RBFOX1: variants seen among roughly 807,000 people sequenced by gnomAD.
The protein encoded by RBFOX1 is RNA binding fox-1 homolog 1, also known as RNA binding protein fox-1 homolog 1.
In RBFOX1, 8 loss-of-function variants were observed where a neutral mutation model predicts 57.7. The observed-to-expected ratio is 0.14, with a 90% CI of 0.08 to 0.25. The LOEUF is 0.25. Ranked by LOEUF, RBFOX1 falls within the 10% of genes least tolerant of loss-of-function variation. The pLI, the probability that RBFOX1 is intolerant of heterozygous loss-of-function variation, is 1.00. For missense variants in RBFOX1, 611 were observed against 548.5 expected, an observed-to-expected ratio of 1.11 and a Z score of -1.14; for synonymous variants, 326 against 222.4, an observed-to-expected ratio of 1.47 and a Z score of -4.15.
chr16:6,727,120 G>T (rs995707889), intron 3 of RBFOX1, among the ~76,000 whole-genome samples: 7 of 53,968 alleles, frequency 1.3e-4, no homozygotes, highest in African/African-American at 3.0e-4. Context: ...ATATGTGTGT[G>T]TGTGTATATA....
At chr16:6,943,812 C>G (rs967774011) in intron 3 of RBFOX1, among the ~76,000 whole-genome samples, 3 of 151,840 alleles carry the variant, frequency 2.0e-5, no homozygotes, top group Non-Finnish European at 2.9e-5. Context: ...TGTTCAAAAA[C>G]TGTGTTCAAA....
At chr16:5,492,320 A>G (rs2151673963) in intron 2 of RBFOX1, among the ~76,000 whole-genome samples, 1 of 152,306 alleles carries the variant, frequency 6.6e-6, no homozygotes, top group East Asian at 1.9e-4. Context: ...TTTAATGCAT[A>G]TTCACTTAGT....
intron 14 of RBFOX1, among the ~76,000 whole-genome samples, chr16:7,707,272 C>G (rs1364707252): frequency 6.6e-6 from 1 of 152,132 alleles, no homozygotes; most frequent in African/African-American, 2.4e-5. Flanking sequence ...AACTTGGAGT[C>G]TGAGAAGGTC....
At chr16:6,528,711 G>A (rs746940405) in intron 2 of RBFOX1, among the ~76,000 whole-genome samples, 3 of 152,114 alleles carry the variant, frequency 2.0e-5, no homozygotes, top group Non-Finnish European at 4.4e-5. Flanking sequence ...CTCCAGTATT[G>A]ATATTTGGGA....
intron 3 of RBFOX1, among the ~76,000 whole-genome samples, chr16:6,778,730 G>C (rs1039290473): frequency 2.0e-5 from 3 of 151,936 alleles, no homozygotes; most frequent in Non-Finnish European, 4.4e-5. Flanking sequence ...TTGTCTTCCT[G>C]AGTCTTTTGT....
chr16:5,519,560 T>A lies in RBFOX1; in HGVS notation c.258+52306T>A, dbSNP rs184561542. Among the ~76,000 whole-genome samples, 13 of 152,208 alleles carry A rather than the reference T, an allele frequency of 8.5e-5. No individual in the cohort carries two copies. The East Asian group carries it at 2.5e-3, about 29-fold the overall frequency. ...GCAACCAGGGGAGACCTTGTCTCTA[T>A]GAAAAATAAAAAAAATTATCCAGGT... is the stretch of plus-strand genomic sequence containing the variant. On this transcript the variant is annotated intron_variant, in intron 2 of 2. Coordinates refer to the RBFOX1 transcript ENST00000585867.
At chr16:5,965,279 A>G (rs1302605537) in intron 4 of RBFOX1, among the ~76,000 whole-genome samples, 4 of 152,224 alleles carry the variant, frequency 2.6e-5, no homozygotes, top group Non-Finnish European at 4.4e-5. Context: ...GAAATTTGCT[A>G]GGAGAGTAGA....
intron 3 of RBFOX1, among the ~76,000 whole-genome samples, chr16:6,958,595 A>G (rs1312255764): frequency 6.6e-6 from 1 of 152,224 alleles, no homozygotes; most frequent in East Asian, 1.9e-4. Context: ...TTTCCTTTCA[A>G]CAATGGGAAC....
At chr16:6,526,442 C>T (rs2096578864) in intron 2 of RBFOX1, among the ~76,000 whole-genome samples, 1 of 152,152 alleles carries the variant, frequency 6.6e-6, no homozygotes, top group East Asian at 1.9e-4. Context: ...CACTACATTG[C>T]TGTAGAAGGC....
At chr16:6,713,536 C>A (rs148142903) in intron 3 of RBFOX1, among the ~76,000 whole-genome samples, 1 of 152,026 alleles carries the variant, frequency 6.6e-6, no homozygotes, top group East Asian at 1.9e-4. Flanking sequence ...GCAAGTAAAA[C>A]CCCCTCCCCA....
At chr16:5,805,868 T>C (rs1567564558) in intron 3 of RBFOX1, among the ~76,000 whole-genome samples, 1 of 152,194 alleles carries the variant, frequency 6.6e-6, no homozygotes. Context: ...GGGAAGGGGA[T>C]CCATCAATAT....
intron 3 of RBFOX1, among the ~76,000 whole-genome samples, chr16:5,767,314 G>A (rs901534776): frequency 6.6e-6 from 1 of 152,222 alleles, no homozygotes; most frequent in Non-Finnish European, 1.5e-5. Flanking sequence ...GGAAGGAAAC[G>A]TTTCTCTTGG....
At chr16:6,066,976 C>T (rs879712274) in intron 1 of RBFOX1, among the ~76,000 whole-genome samples, 15 of 151,868 alleles carry the variant, frequency 9.9e-5, no homozygotes, top group Non-Finnish European at 1.3e-4. Flanking sequence ...CGGGGGAGGG[C>T]GGCAGGGAGA....
At chr16:6,170,472 G>T (rs997173332) in intron 1 of RBFOX1, among the ~76,000 whole-genome samples, 1 of 152,150 alleles carries the variant, frequency 6.6e-6, no homozygotes, top group African/African-American at 2.4e-5. Context: ...TGGATGCATT[G>T]TTATGCGTAA....
At chr16:7,464,550 A>G (rs548171315) in intron 4 of RBFOX1, among the ~76,000 whole-genome samples, 83 of 152,138 alleles carry the variant, frequency 5.5e-4, no homozygotes, top group African/African-American at 2.0e-3. Flanking sequence ...AGGGACATCT[A>G]CAAGCTATTG....
intron 2 of RBFOX1, among the ~76,000 whole-genome samples, chr16:5,572,960 G>A (rs2046333253): frequency 6.6e-6 from 1 of 152,258 alleles, no homozygotes; most frequent in South Asian, 2.1e-4. Context: ...TGATTGAAGG[G>A]TTTTCAGTGG....
At chr16:6,546,885 G>C (rs1185609166) in intron 2 of RBFOX1, among the ~76,000 whole-genome samples, 6 of 152,168 alleles carry the variant, frequency 3.9e-5, no homozygotes, top group African/African-American at 1.4e-4. Context: ...TGCCTCCGAA[G>C]TCCATGCTTG....
chr16:6,954,702 C>G (rs1249263725), intron 3 of RBFOX1, among the ~76,000 whole-genome samples: 2 of 151,970 alleles, frequency 1.3e-5, no homozygotes, highest in Non-Finnish European at 2.9e-5. Context: ...GTGCAGGTGC[C>G]CAAGTCTAGC....
intron 4 of RBFOX1, among the ~76,000 whole-genome samples, chr16:7,352,308 C>T (rs181478857): frequency 2.6e-5 from 4 of 152,222 alleles, no homozygotes; most frequent in East Asian, 1.9e-4. Flanking sequence ...AACAACTGGC[C>T]CTGTCCTTCC....
Sources: gnomAD v4.1 joint callset for allele counts (sites outside exome capture counted in the v4.1 genomes callset) on GRCh38, gnomAD v4.1.1 for gene constraint, MANE v1.5 for transcripts, NCBI Gene and HGNC (gene_info 2026-07-23, HGNC 2026-07-21) for gene names.